The following ADD1 variants were observed in gnomAD, a reference collection of about 807,000 sequenced individuals.
The protein encoded by ADD1 is adducin 1, also known as alpha-adducin.
A neutral mutation model predicts 80.5 loss-of-function variants in ADD1; 24 were observed. The ratio of observed to expected loss-of-function variants is 0.30; its 90% CI spans 0.22 to 0.42. The LOEUF (loss-of-function observed/expected upper bound fraction) is 0.42. Ranked by LOEUF, ADD1 falls within the 10% of genes least tolerant of loss-of-function variation. The pLI is 1.00. For synonymous variants in ADD1, 373 were observed against 393.8 expected, an observed-to-expected ratio of 0.95 and a Z score of 0.63; for missense variants, 948 against 1,019.0, an observed-to-expected ratio of 0.93 and a Z score of 0.95.
At chr4:2,892,120 A>G (rs577857226) in intron 4 of ADD1, among the ~76,000 whole-genome samples, 1 of 152,258 alleles carries the variant, frequency 6.6e-6, no homozygotes, top group Non-Finnish European at 1.5e-5. Flanking sequence ...AAGCATCCTC[A>G]TCACTGAAAC....
chr4:2,865,278 C>G lies in ADD1; in HGVS notation c.-20-10618C>G, dbSNP rs368353937. ...TGATAGCATAAAGACTTTCAAGTCT[C>G]CATCAGCTGACACAATTAATTTTCA... On this transcript the variant is annotated intron_variant, in intron 1 of 15. Transcript: ENST00000683351. Among the ~76,000 whole-genome samples, 15 of 152,108 alleles carry G rather than the reference C, an allele frequency of 9.9e-5. No individual in the cohort carries two copies. The East Asian group carries it at 1.9e-3, about 20-fold the overall frequency.
intron 14 of ADD1, among the ~76,000 whole-genome samples, chr4:2,919,716 T>G (rs1264776890): frequency 6.6e-6 from 1 of 152,016 alleles, no homozygotes; most frequent in Admixed American, 6.5e-5. Flanking sequence ...GTCTATTTGA[T>G]TCTTCTCTCT....
At chr4:2,857,797 G>A (rs942904979) in intron 1 of ADD1, among the ~76,000 whole-genome samples, 1 of 152,098 alleles carries the variant, frequency 6.6e-6, no homozygotes, top group Non-Finnish European at 1.5e-5. Flanking sequence ...ATGATACAGG[G>A]GAACTGACTC....
At chr4:2,861,662 G>T (rs1728835261) in intron 1 of ADD1, among the ~76,000 whole-genome samples, 2 of 152,160 alleles carry the variant, frequency 1.3e-5, no homozygotes. Flanking sequence ...CTTTAAAAAT[G>T]CTCATGCCCA....
intron 15 of ADD1, among the ~76,000 whole-genome samples, chr4:2,927,162 C>T (rs182689796): frequency 2.6e-4 from 39 of 152,348 alleles, no homozygotes; most frequent in African/African-American, 7.7e-4. Flanking sequence ...CTCTCCAGAG[C>T]GAGTGCCCTG....
intron 1 of ADD1, among the ~76,000 whole-genome samples, chr4:2,865,457 T>TA (rs1451585324): frequency 6.6e-6 from 1 of 152,230 alleles, no homozygotes; most frequent in African/African-American, 2.4e-5. Context: ...ACAGAATAAA[T>TA]ACGTTTTTCT....
At chr4:2,918,344 T>A (rs1253798522) in intron 14 of ADD1, among the ~76,000 whole-genome samples, 1 of 152,216 alleles carries the variant, frequency 6.6e-6, no homozygotes, top group East Asian at 1.9e-4. Flanking sequence ...GGAATGCTTG[T>A]GATTTTTGCA....
chr4:2,846,791 A>T (rs1211208283), intron 1 of ADD1, among the ~76,000 whole-genome samples: 1 of 145,934 alleles, frequency 6.9e-6, no homozygotes, highest in Admixed American at 7.0e-5. Flanking sequence ...AGCCATGATC[A>T]CTTCACTGCA....
rs547639805 is a variant in ADD1 at position 2,920,351 on chromosome 4, G to A, written c.1948+5311G>A. ...AGTTCTGTAGATGTCTGTTAGGTCCGCATGGTCCAGAGCTGAGTTCAAGTC... is the reference window on the plus strand; with the variant it reads ...AGTTCTGTAGATGTCTGTTAGGTCCACATGGTCCAGAGCTGAGTTCAAGTC... On this transcript the variant is annotated intron_variant, in intron 14 of 15. Transcript: ENST00000683351. Among the ~76,000 whole-genome samples, 20 of 152,252 alleles carry A rather than the reference G, an allele frequency of 1.3e-4. No individual in the cohort carries two copies. In the East Asian group the frequency reaches 3.3e-3, roughly 25 times the overall value.
Position 2,926,679 on chromosome 4 carries a change from A to G in ADD1, c.2047+567A>G. ...CTAGAGAGTACCTGTTACCCTAGTA[A>G]GTACCGTGCTGCCTCCGCTCTCCAC... On this transcript the variant is annotated intron_variant, in intron 15 of 15. Coordinates refer to ENST00000683351, the MANE Select transcript of ADD1 (RefSeq NM_001354761.2). This position sits in a 1 kb window ranked among gnomAD's most constrained non-coding sequence, Gnocchi z 5.0. The G allele has an allele frequency of 6.2e-7, 1 of 1,613,332 alleles. No individual in the cohort carries two copies. Among genetic ancestry groups the G allele is most frequent in the Non-Finnish European group, 8.5e-7 (1 of 1,179,366 alleles).
chr4:2,874,931 C>T (rs1731042160), intron 1 of ADD1, among the ~76,000 whole-genome samples: 1 of 152,154 alleles, frequency 6.6e-6, no homozygotes, highest in East Asian at 1.9e-4. Context: ...GGTTCATATG[C>T]ACATTTGAAA....
At chr4:2,891,012 C>T (rs1177877541) in intron 4 of ADD1, among the ~76,000 whole-genome samples, 3 of 151,942 alleles carry the variant, frequency 2.0e-5, no homozygotes, top group Non-Finnish European at 4.4e-5. Context: ...GGGCTGGATG[C>T]AGTGACTCCC....
Position 2,890,124 on chromosome 4 carries a change from G to T in ADD1, c.511-3889G>T, listed in dbSNP as rs559859801. On this transcript the variant is annotated intron_variant, in intron 4 of 15. Coordinates refer to ENST00000683351, the MANE Select transcript of ADD1 (RefSeq NM_001354761.2). The stretch of plus-strand genomic sequence containing the variant: ...GACAGGAATCACTTGAACTTGGGAG[G>T]TGAAGGTTGCAGTGAGCTGAAATTG... Among the ~76,000 whole-genome samples the T allele has an allele frequency of 2.6e-5, 4 of 151,126 alleles. No individual in the cohort carries two copies. In the East Asian group the frequency reaches 7.9e-4, roughly 30 times the overall value.
chr4:2,871,270 C>T (rs1467055784), intron 1 of ADD1, among the ~76,000 whole-genome samples: 1 of 152,056 alleles, frequency 6.6e-6, no homozygotes, highest in Non-Finnish European at 1.5e-5. Flanking sequence ...CGTGCCTGGC[C>T]AACAGATGAC....
At chr4:2,885,785 T>C (rs1733198587) in intron 4 of ADD1, among the ~76,000 whole-genome samples, 1 of 151,812 alleles carries the variant, frequency 6.6e-6, no homozygotes, top group Non-Finnish European at 1.5e-5. Flanking sequence ...AATTTTTTTG[T>C]ATTTTTAGTA....
At chr4:2,920,586 C>T (rs1009636146) in intron 14 of ADD1, among the ~76,000 whole-genome samples, 8 of 150,880 alleles carry the variant, frequency 5.3e-5, no homozygotes, top group African/African-American at 1.9e-4. Context: ...TTATGTAATG[C>T]CCTGCTTTGT....
At chr4:2,910,158 C>T (rs1215116206) in intron 13 of ADD1, among the ~76,000 whole-genome samples, 4 of 149,450 alleles carry the variant, frequency 2.7e-5, no homozygotes, top group Admixed American at 6.7e-5. Flanking sequence ...TGCTAGTGTG[C>T]AGGAGTTGGT....
chr4:2,865,355 T>C (rs1729390948), intron 1 of ADD1, among the ~76,000 whole-genome samples: 1 of 152,232 alleles, frequency 6.6e-6, no homozygotes, highest in African/African-American at 2.4e-5. Flanking sequence ...GATTTTTAAA[T>C]GCTTCCTGCC....
intron 2 of ADD1, among the ~76,000 whole-genome samples, chr4:2,876,788 G>T (rs1057396928): frequency 2.0e-5 from 3 of 150,964 alleles, no homozygotes; most frequent in Non-Finnish European, 2.9e-5. Flanking sequence ...GCAGTAAGCC[G>T]AGATCATGCC....
Sources: gnomAD v4.1 joint callset for allele counts (sites outside exome capture counted in the v4.1 genomes callset) on GRCh38, gnomAD v4.1.1 for gene constraint, Gnocchi (gnomAD v3.1) non-coding constraint, MANE v1.5 for transcripts, NCBI Gene and HGNC (gene_info 2026-07-23, HGNC 2026-07-21) for gene names.